GXYLT2: variants seen among roughly 807,000 people sequenced by gnomAD.
GXYLT2 encodes the protein glucoside xylosyltransferase 2.
In GXYLT2, 53 loss-of-function variants were observed where a neutral mutation model predicts 45.8. The observed-to-expected ratio is 1.16, with a 90% CI of 0.93 to 1.46. GXYLT2 has a LOEUF of 1.46. GXYLT2 is among the 40% of genes most tolerant of loss of function. GXYLT2 has a pLI of 0.00. For missense variants in GXYLT2, 551 were observed against 544.4 expected (o/e 1.01, Z -0.12); for synonymous variants, 219 against 214.2 (o/e 1.02, Z -0.19).
intron 3 of GXYLT2, among the ~76,000 whole-genome samples, chr3:72,952,247 C>T (rs1428933297): frequency 6.6e-6 from 1 of 151,860 alleles, no homozygotes; most frequent in Non-Finnish European, 1.5e-5. Flanking sequence ...AAGTGATCTG[C>T]CTGCCTCAGC....
intron 1 of GXYLT2, among the ~76,000 whole-genome samples, chr3:72,892,872 A>T: frequency 6.6e-6 from 1 of 152,108 alleles, no homozygotes; most frequent in East Asian, 1.9e-4. Context: ...TTGGTCCATG[A>T]ATCCCCTCGA....
At chr3:72,912,009 A>ATTTTTTT (rs1335193184) in intron 2 of GXYLT2, among the ~76,000 whole-genome samples, 1 of 121,972 alleles carries the variant, frequency 8.2e-6, no homozygotes, top group African/African-American at 4.5e-5. Context: ...ATATATATAT[A>ATTTTTTT]TATATTTTTT....
intron 2 of GXYLT2, among the ~76,000 whole-genome samples, chr3:72,913,121 T>C (rs2107087487): frequency 6.6e-6 from 1 of 150,696 alleles, no homozygotes; most frequent in African/African-American, 2.4e-5. Flanking sequence ...CACTGCAAGC[T>C]CCGCCTCCCA....
chr3:72,922,080 A>T, intron 2 of GXYLT2, 124 bp from the exon 3 acceptor site: 1 of 792,346 alleles, frequency 1.3e-6, no homozygotes, highest in South Asian at 1.8e-5. Context: ...CATAGTGGTG[A>T]TGAAGTTAGA....
At chr3:72,898,045 A>G (rs1162446581) in intron 1 of GXYLT2, among the ~76,000 whole-genome samples, 1 of 152,262 alleles carries the variant, frequency 6.6e-6, no homozygotes, top group Non-Finnish European at 1.5e-5. Context: ...AAGACAGTAT[A>G]CCAAAATTTT....
chr3:72,967,436 C>G (rs943062546), intron 5 of GXYLT2, 111 bp from the exon 6 acceptor site: 18 of 820,998 alleles, frequency 2.2e-5, no homozygotes, highest in Middle Eastern at 3.7e-4. Context: ...CACTCCTGTA[C>G]TTTGAAATTA....
chr3:72,916,608 C>T (rs1220410805), intron 2 of GXYLT2, among the ~76,000 whole-genome samples: 11 of 151,960 alleles, frequency 7.2e-5, no homozygotes, highest in Non-Finnish European at 1.6e-4. Context: ...GGCGTGATCT[C>T]CACTCACTGC....
At position 72,975,041 on chromosome 3, in the gene GXYLT2, CTG is replaced by C. The variant is rs781145847; in HGVS notation, c.1217_1218del (p.Val406AlafsTer16). On this transcript the variant is annotated frameshift_variant, in exon 7 of 7. Coordinates refer to ENST00000389617, the MANE Select transcript of GXYLT2 (RefSeq NM_001080393.2). LOFTEE classifies it high-confidence loss of function. ...CCCCTTCAGCTGAAGTTTTTGGAGA[CTG>C]TGCACACTTTATGTGGACGAATCCC... is the stretch of plus-strand genomic sequence containing the variant. The C allele has an allele frequency of 1.9e-6, 3 of 1,612,416 alleles. No individual in the cohort carries two copies. In the South Asian group the frequency reaches 3.3e-5, roughly 18 times the overall value.
At chr3:72,971,644 G>C (rs1194450528) in intron 6 of GXYLT2, among the ~76,000 whole-genome samples, 1 of 152,168 alleles carries the variant, frequency 6.6e-6, no homozygotes, top group Non-Finnish European at 1.5e-5. Context: ...CATACAGTTT[G>C]TGCAATAATT....
At position 72,975,516 on chromosome 3, in the gene GXYLT2, G is replaced by C. The variant is rs1407911740; in HGVS notation, c.*357G>C. The C allele has an allele frequency of 1.2e-5, 2 of 173,134 alleles. No homozygotes were observed. The highest frequency in any genetic ancestry group is 1.2e-4 in the Admixed American group (2 of 16,060). The allele number at this position is 173,134 out of a possible 1,614,324, so 10.7% of individuals were successfully genotyped here. A position where few individuals can be genotyped will look rare whatever the true frequency, so the allele number is the denominator to read the frequency against. On this transcript the variant is annotated 3_prime_UTR_variant, in exon 7 of 7. Transcript: ENST00000389617. ...TGTTATATTGATCTAGCATTCCTGA[G>C]ACTCTTTCTATGCAACTGACTCCCC... is the stretch of plus-strand genomic sequence containing the variant.
intron 2 of GXYLT2, among the ~76,000 whole-genome samples, chr3:72,919,191 T>C (rs1709788119): frequency 6.6e-6 from 1 of 152,216 alleles, no homozygotes; most frequent in Non-Finnish European, 1.5e-5. Flanking sequence ...CAGATGTTTG[T>C]AGCAGCTGTA....
rs549280342 is a variant in GXYLT2, at chr3:72,925,990, G to A, written c.600+3655G>A. On this transcript the variant is annotated intron_variant, in intron 3 of 6. Coordinates refer to ENST00000389617, the MANE Select transcript of GXYLT2 (RefSeq NM_001080393.2). ...TGGCATTTTTGGGCATCAGTGAGAT[G>A]TATTGATCTTGAGGGTAATTTTAAA... Among the ~76,000 whole-genome samples the A allele has an allele frequency of 7.9e-5, 12 of 152,308 alleles. No individual in the cohort carries two copies. In the South Asian group the frequency reaches 2.1e-3, roughly 26 times the overall value.
chr3:72,959,937 G>GTGTT lies in GXYLT2; in HGVS notation c.976+2607_976+2610dup, dbSNP rs371678279. ...GGCATGAGCCACCATGACCGGTTTT[G>GTGTT]TGTTTGTTTGTTTGTTTGTTTGTTT... On this transcript the variant is annotated intron_variant, in intron 5 of 6. Transcript: ENST00000389617. 7.8e-3 allele frequency among the ~76,000 whole-genome samples: 1,175 copies of GTGTT among 150,438 alleles called. 8 individuals carry two copies. Among genetic ancestry groups the GTGTT allele is most frequent in the African/African-American group, 0.025 (1,033 of 40,944 alleles).
At chr3:72,933,549 AAAG>A (rs1403849365) in intron 3 of GXYLT2, among the ~76,000 whole-genome samples, 3 of 152,220 alleles carry the variant, frequency 2.0e-5, no homozygotes, top group Non-Finnish European at 4.4e-5. Flanking sequence ...TATTAAGAAA[AAAG>A]AAAAATAAAT....
chr3:72,965,993 T>C (rs751108611), intron 5 of GXYLT2, among the ~76,000 whole-genome samples: 10 of 152,172 alleles, frequency 6.6e-5, no homozygotes, highest in Non-Finnish European at 8.8e-5. Context: ...TGTTGGTTTT[T>C]GTTTTTGAGA....
In GXYLT2 at chr3:72,965,872, T is replaced by C. The variant is rs762788679; in HGVS notation, c.977-1675T>C. On this transcript the variant is annotated intron_variant, in intron 5 of 6. Coordinates refer to ENST00000389617, the MANE Select transcript of GXYLT2 (RefSeq NM_001080393.2). ...AGATACAAACACACCTGTGTACATA[T>C]GTGCACATATGGCCATGGTGCATAT... Among the ~76,000 whole-genome samples the C allele has an allele frequency of 5.3e-5, 8 of 152,328 alleles. 1 individual carries two copies. The Middle Eastern group carries it at 0.014, about 259-fold the overall frequency.
At position 72,914,425 on chromosome 3, in the gene GXYLT2, G is replaced by A. The variant is rs78747383; in HGVS notation, c.468+5866G>A. On this transcript the variant is annotated intron_variant, in intron 2 of 6. Coordinates refer to ENST00000389617, the MANE Select transcript of GXYLT2 (RefSeq NM_001080393.2). ...GTGCTACTGCCCAACTCAGAATCAGGAAGTAGTGGGACACACAAATAAGGA... is the reference window on the plus strand; with the variant it reads ...GTGCTACTGCCCAACTCAGAATCAGAAAGTAGTGGGACACACAAATAAGGA... 3.1e-3 allele frequency among the ~76,000 whole-genome samples: 477 copies of A among 152,166 alleles called. 11 individuals are homozygous for A. In the East Asian group the frequency reaches 0.065, roughly 21 times the overall value.
intron 3 of GXYLT2, among the ~76,000 whole-genome samples, chr3:72,925,128 G>T (rs941170740): frequency 6.6e-6 from 1 of 151,536 alleles, no homozygotes; most frequent in Non-Finnish European, 1.5e-5. Context: ...AAGCTCACTT[G>T]CTCATTATGT....
Position 72,955,098 on chromosome 3 carries a change from G to T in GXYLT2, c.601G>T (p.Val201Leu), listed in dbSNP as rs754293033. ...PCAAQRLFLP[V>L]ILKDVDSLLY... ...TTACACCCACTCCTTACACACAAAGGTGATTTTAAAGGATGTGGACTCACT... is the reference window on the plus strand; with the variant it reads ...TTACACCCACTCCTTACACACAAAGTTGATTTTAAAGGATGTGGACTCACT... Residue 201 changes from valine (V) to leucine (L), a missense_variant and splice_region_variant, in exon 4 of 7, where the codon GTG becomes TTG. Physicochemically the swap from Val to Leu is conservative, Grantham distance 32. Coordinates refer to ENST00000389617, the MANE Select transcript of GXYLT2 (RefSeq NM_001080393.2). The T allele has an allele frequency of 6.8e-6, 11 of 1,613,468 alleles. No individual in the cohort carries two copies. The highest frequency in any genetic ancestry group is 1.6e-4 in the Middle Eastern group (1 of 6,084).
Sources: gnomAD v4.1 joint callset for allele counts (sites outside exome capture counted in the v4.1 genomes callset) on GRCh38, gnomAD v4.1.1 for gene constraint, MANE v1.5 for transcripts, NCBI Gene and HGNC (gene_info 2026-07-23, HGNC 2026-07-21) for gene names.